Variants in SRD5A2 observed in about 807,000 individuals in gnomAD.
The protein encoded by SRD5A2 is steroid 5 alpha-reductase 2.
In SRD5A2, 30 loss-of-function variants were observed where a neutral mutation model predicts 27.4. That is an observed-to-expected ratio of 1.10 (90% CI 0.82 to 1.49). The LOEUF (loss-of-function observed/expected upper bound fraction) is 1.49, where lower values mean the gene tolerates loss of function less well. SRD5A2 is among the 40% of genes most tolerant of loss of function. The pLI is 0.00. For missense variants in SRD5A2, 348 were observed against 323.4 expected, an observed-to-expected ratio of 1.08 and a Z score of -0.58; for synonymous variants, 141 against 133.6, an observed-to-expected ratio of 1.06 and a Z score of -0.38.
upstream of SRD5A2, among the ~76,000 whole-genome samples, chr2:31,583,099 C>G (rs1282120715): frequency 6.6e-6 from 1 of 152,172 alleles, no homozygotes; most frequent in East Asian, 1.9e-4. Flanking sequence ...GAAATCTGGG[C>G]TGGGCTTGAC....
the SRD5A2 span, among the ~76,000 whole-genome samples, chr2:31,643,830 T>G: frequency 6.6e-6 from 1 of 152,334 alleles, no homozygotes; most frequent in East Asian, 1.9e-4. Context: ...CATGCTGATA[T>G]GAATACATAT....
In SRD5A2 at chr2:31,529,408, A is replaced by C; in HGVS notation, c.597T>G (p.Ile199Met). The C allele has an allele frequency of 6.2e-7, 1 of 1,613,954 alleles. No individual in the cohort carries two copies. The highest frequency in any genetic ancestry group is 8.5e-7 in the Non-Finnish European group (1 of 1,179,840). ...TGGCCAGGGCATAGCCGATCCATTC[A>C]ATGATCTCACCGAGGAAATTGGCTC... ...VSGANFLGEI[I>M]EWIGYALATW... The change falls in exon 4 of 5, where the codon ATT becomes ATG. Residue 199 changes from isoleucine (I) to methionine (M), a missense_variant. Physicochemically the swap from Ile to Met is conservative, Grantham distance 10. Transcript: ENST00000622030.
the SRD5A2 span, among the ~76,000 whole-genome samples, chr2:31,590,767 A>G: frequency 6.6e-6 from 1 of 152,182 alleles, no homozygotes; most frequent in Non-Finnish European, 1.5e-5. Flanking sequence ...GCCATCAGAA[A>G]TAATGCCACA....
chr2:31,587,087 T>C, the SRD5A2 span, among the ~76,000 whole-genome samples: 1 of 152,220 alleles, frequency 6.6e-6, no homozygotes, highest in Non-Finnish European at 1.5e-5. Context: ...ATGAAGGATA[T>C]GAAAAGATAC....
chr2:31,625,917 T>C, the SRD5A2 span, among the ~76,000 whole-genome samples: 1 of 152,188 alleles, frequency 6.6e-6, no homozygotes. Flanking sequence ...GGTAGCTTGA[T>C]GGGGATGGCA....
intron 1 of SRD5A2, among the ~76,000 whole-genome samples, chr2:31,559,863 C>CACACACAT (rs1666581015): frequency 6.6e-6 from 1 of 151,828 alleles, no homozygotes; most frequent in African/African-American, 2.4e-5. Context: ...CACACACACA[C>CACACACAT]ACACACACAC....
At chr2:31,635,456 G>A in the SRD5A2 span, among the ~76,000 whole-genome samples, 1 of 151,734 alleles carries the variant, frequency 6.6e-6, no homozygotes. Context: ...TTAATCCCTT[G>A]GCAGATGGAT....
At chr2:31,593,433 A>G in the SRD5A2 span, among the ~76,000 whole-genome samples, 4 of 152,186 alleles carry the variant, frequency 2.6e-5, no homozygotes, top group African/African-American at 9.7e-5. Flanking sequence ...AAGTGGAAAA[A>G]AGAACTTCAG....
At chr2:31,533,327 C>T (rs183571605) in intron 2 of SRD5A2, among the ~76,000 whole-genome samples, 4 of 152,110 alleles carry the variant, frequency 2.6e-5, no homozygotes, top group African/African-American at 9.6e-5. Flanking sequence ...ATTGAAAAGA[C>T]CAAGAATATT....
At chr2:31,526,680 C>T (rs1236027762) in intron 4 of SRD5A2, among the ~76,000 whole-genome samples, 1 of 152,070 alleles carries the variant, frequency 6.6e-6, no homozygotes, top group African/African-American at 2.4e-5. Flanking sequence ...CAGCAATGTT[C>T]CCAGGAAAAT....
the SRD5A2 span, among the ~76,000 whole-genome samples, chr2:31,628,023 TC>T: frequency 6.6e-6 from 1 of 152,130 alleles, no homozygotes; most frequent in East Asian, 1.9e-4. Context: ...GGTCCAAACA[TC>T]TTTGTTAGTT....
intron 1 of SRD5A2, among the ~76,000 whole-genome samples, chr2:31,548,390 T>G (rs1666308761): frequency 6.6e-6 from 1 of 151,926 alleles, no homozygotes; most frequent in Admixed American, 6.6e-5. Context: ...CTCCTAAAAC[T>G]CAACAACAAC....
chr2:31,606,054 C>T, the SRD5A2 span, among the ~76,000 whole-genome samples: 1 of 151,896 alleles, frequency 6.6e-6, no homozygotes, highest in East Asian at 1.9e-4. Context: ...CACAGAAAGA[C>T]ATACATCACA....
intron 2 of SRD5A2, 144 bp from the exon 3 acceptor site, chr2:31,531,616 A>G: frequency 1.6e-6 from 1 of 613,388 alleles, no homozygotes; most frequent in Admixed American, 2.7e-5. Flanking sequence ...GAAAGTGGGG[A>G]GGGCAATGAG....
At chr2:31,600,210 C>T in the SRD5A2 span, among the ~76,000 whole-genome samples, 1 of 151,982 alleles carries the variant, frequency 6.6e-6, no homozygotes, top group Non-Finnish European at 1.5e-5. Context: ...ATATGTGCCA[C>T]ATTTTTTTAT....
chr2:31,662,951 G>A, the SRD5A2 span, among the ~76,000 whole-genome samples: 3 of 152,224 alleles, frequency 2.0e-5, no homozygotes, highest in South Asian at 6.2e-4. Context: ...AATGTCATAG[G>A]GAGGAAAGTT....
chr2:31,586,176 G>A, the SRD5A2 span, among the ~76,000 whole-genome samples: 10 of 152,226 alleles, frequency 6.6e-5, no homozygotes, highest in East Asian at 1.9e-3. Context: ...CCAATGTGTA[G>A]TCTTTTATCC....
At chr2:31,531,581 C>T in intron 2 of SRD5A2, 109 bp from the exon 3 acceptor site, 2 of 564,690 alleles carry the variant, frequency 3.5e-6, no homozygotes, top group South Asian at 2.2e-5. Context: ...ATTTCTAAAT[C>T]TAAGAATGGT....
chr2:31,598,293 G>A, the SRD5A2 span, among the ~76,000 whole-genome samples: 2 of 151,790 alleles, frequency 1.3e-5, no homozygotes, highest in South Asian at 2.1e-4. Context: ...CTGGGGACTC[G>A]GTAGGAAAGG....
Sources: gnomAD v4.1 joint callset for allele counts (sites outside exome capture counted in the v4.1 genomes callset) on GRCh38, gnomAD v4.1.1 for gene constraint, MANE v1.5 for transcripts, NCBI Gene and HGNC (gene_info 2026-07-23, HGNC 2026-07-21) for gene names.